Variants in NKAIN3 observed in about 807,000 individuals in gnomAD.
The protein encoded by NKAIN3 is sodium/potassium transporting ATPase interacting 3.
In NKAIN3, 25 loss-of-function variants were observed where a neutral mutation model predicts 30.2. The observed-to-expected ratio is 0.83, with a 90% CI of 0.60 to 1.16. NKAIN3 has a LOEUF of 1.16. Among genes scored for constraint, NKAIN3 ranks in the 50% most tolerant of loss-of-function variants. NKAIN3 has a pLI of 0.00. For synonymous variants in NKAIN3, 91 were observed against 89.6 expected (o/e 1.02, Z -0.09); for missense variants, 225 against 254.1 (o/e 0.89, Z 0.78).
At chr8:62,288,162 T>A (rs1241937409) in intron 1 of NKAIN3, among the ~76,000 whole-genome samples, 1 of 152,186 alleles carries the variant, frequency 6.6e-6, no homozygotes, top group East Asian at 1.9e-4. Context: ...TCTATATACA[T>A]GTCCTGCGTG....
intron 3 of NKAIN3, among the ~76,000 whole-genome samples, chr8:62,733,996 T>G (rs965183973): frequency 6.6e-6 from 1 of 152,228 alleles, no homozygotes; most frequent in Admixed American, 6.5e-5. Flanking sequence ...ATGAACATTT[T>G]AAGGGCTGGG....
intron 1 of NKAIN3, among the ~76,000 whole-genome samples, chr8:62,357,750 A>G (rs1816405511): frequency 1.3e-5 from 2 of 152,242 alleles, no homozygotes; most frequent in East Asian, 1.9e-4. Flanking sequence ...CCCAACCCCA[A>G]GTGCTCGTAA....
At chr8:62,372,748 A>G (rs1468910425) in intron 1 of NKAIN3, among the ~76,000 whole-genome samples, 1 of 151,976 alleles carries the variant, frequency 6.6e-6, no homozygotes, top group Non-Finnish European at 1.5e-5. Flanking sequence ...TCATAAAATC[A>G]AAACTTCATG....
intron 3 of NKAIN3, among the ~76,000 whole-genome samples, chr8:62,739,981 G>A (rs913751638): frequency 3.9e-5 from 6 of 152,096 alleles, no homozygotes; most frequent in African/African-American, 1.4e-4. Flanking sequence ...TACCTTTTAA[G>A]CCTATCTGTA....
chr8:62,744,942 A>G (rs983650630), intron 3 of NKAIN3, among the ~76,000 whole-genome samples: 1 of 152,268 alleles, frequency 6.6e-6, no homozygotes, highest in Admixed American at 6.5e-5. Context: ...AGGCATACTT[A>G]TAATGATACT....
At chr8:62,691,912 A>G (rs1016669586) in intron 3 of NKAIN3, among the ~76,000 whole-genome samples, 3 of 151,990 alleles carry the variant, frequency 2.0e-5, no homozygotes, top group Non-Finnish European at 4.4e-5. Context: ...GGTCTTCTGG[A>G]CTCTCTTTAA....
At chr8:62,791,569 G>A (rs1182314237) in intron 4 of NKAIN3, among the ~76,000 whole-genome samples, 1 of 152,024 alleles carries the variant, frequency 6.6e-6, no homozygotes, top group African/African-American at 2.4e-5. Flanking sequence ...ATTCTTCAAT[G>A]TGTAGACCAA....
In NKAIN3 at chr8:62,973,034, G is replaced by A. The variant is rs1006444062; in HGVS notation, c.*7627G>A. 1.3e-5 allele frequency among the ~76,000 whole-genome samples: 2 copies of A among 152,148 alleles called. No homozygotes were observed. Among genetic ancestry groups the A allele is most frequent in the African/African-American group, 4.8e-5 (2 of 41,436 alleles). ...TTTTATGGCTGCATAGTATTCCATG[G>A]TGTATATGTGCCACATTTTCTTTAT... On this transcript the variant is annotated 3_prime_UTR_variant, in exon 7 of 7. Coordinates refer to ENST00000623646, the MANE Select transcript of NKAIN3 (RefSeq NM_001304533.3).
intron 4 of NKAIN3, among the ~76,000 whole-genome samples, chr8:62,870,689 C>CTATATATAGATATATATAGATA (rs1820607544): frequency 3.0e-5 from 3 of 98,482 alleles, no homozygotes; most frequent in Non-Finnish European, 6.1e-5. Context: ...ATCTATATCT[C>CTATATATAGATATATATAGATA]TCTATCTATA....
At chr8:62,477,491 C>T (rs1563416266) in intron 1 of NKAIN3, among the ~76,000 whole-genome samples, 1 of 152,146 alleles carries the variant, frequency 6.6e-6, no homozygotes, top group Non-Finnish European at 1.5e-5. Flanking sequence ...TTCTCTCCTC[C>T]CTGCCTCAGA....
chr8:62,464,636 T>C (rs1806097885), intron 1 of NKAIN3, among the ~76,000 whole-genome samples: 1 of 152,192 alleles, frequency 6.6e-6, no homozygotes, highest in South Asian at 2.1e-4. Context: ...AATCTTCTAA[T>C]GTAAGAAAAG....
rs1563564346 is a variant in NKAIN3 at position 62,793,805 on chromosome 8, C to CA, written c.471+46676_471+46677insA. Among the ~76,000 whole-genome samples, 29 of 152,234 alleles carry CA rather than the reference C, an allele frequency of 1.9e-4. No homozygotes were observed. In the South Asian group the frequency reaches 5.4e-3, roughly 28 times the overall value. On this transcript the variant is annotated intron_variant, in intron 4 of 6. Coordinates refer to ENST00000623646, the MANE Select transcript of NKAIN3 (RefSeq NM_001304533.3). ...CTCTAAGAACATCTAAGATATGCAT[C>CA]CTAAATGTCATTACCCAGAATGTCT...
intron 1 of NKAIN3, among the ~76,000 whole-genome samples, chr8:62,312,683 G>A (rs1216481227): frequency 6.6e-6 from 1 of 152,042 alleles, no homozygotes; most frequent in Non-Finnish European, 1.5e-5. Flanking sequence ...TGGGCATGGT[G>A]GTGTGCACCT....
chr8:62,421,798 G>T (rs1306764774), intron 1 of NKAIN3, among the ~76,000 whole-genome samples: 1 of 151,990 alleles, frequency 6.6e-6, no homozygotes, highest in Admixed American at 6.6e-5. Context: ...GGTTTTATAA[G>T]AACCTCATAA....
chr8:62,322,051 G>C (rs754597291), intron 1 of NKAIN3, among the ~76,000 whole-genome samples: 2 of 152,124 alleles, frequency 1.3e-5, no homozygotes, highest in Non-Finnish European at 2.9e-5. Flanking sequence ...CCCCAGCCTC[G>C]CTGCCGCCTT....
intron 4 of NKAIN3, among the ~76,000 whole-genome samples, chr8:62,766,080 A>G (rs1160996825): frequency 1.3e-5 from 2 of 152,182 alleles, no homozygotes; most frequent in African/African-American, 2.4e-5. Context: ...CTAGCACTAA[A>G]CCGGGTAGAT....
chr8:62,288,637 ATCATTGATGG>A (rs1813463770), intron 1 of NKAIN3, among the ~76,000 whole-genome samples: 2 of 152,164 alleles, frequency 1.3e-5, no homozygotes, highest in Admixed American at 1.3e-4. Flanking sequence ...AATCCAGTCT[ATCATTGATGG>A]ACATTTGGGA....
chr8:62,820,180 G>T (rs1818808216), intron 4 of NKAIN3, among the ~76,000 whole-genome samples: 1 of 152,106 alleles, frequency 6.6e-6, no homozygotes, highest in Non-Finnish European at 1.5e-5. Context: ...ATGCAGATTT[G>T]CAACGAAGGA....
chr8:62,650,224 A>G (rs551661007), intron 3 of NKAIN3, among the ~76,000 whole-genome samples: 1 of 152,260 alleles, frequency 6.6e-6, no homozygotes, highest in Admixed American at 6.5e-5. Context: ...GTCTCAATTT[A>G]TTTTCACAAC....
Sources: gnomAD v4.1 joint callset for allele counts (sites outside exome capture counted in the v4.1 genomes callset) on GRCh38, gnomAD v4.1.1 for gene constraint, MANE v1.5 for transcripts, NCBI Gene and HGNC (gene_info 2026-07-23, HGNC 2026-07-21) for gene names.